Variants in APPBP2 observed in about 807,000 individuals in gnomAD.
The protein encoded by APPBP2 is amyloid protein-binding protein 2.
APPBP2 carries 15 observed loss-of-function variants against 76.0 expected under a neutral mutation model. That is an observed-to-expected ratio of 0.20 (90% CI 0.13 to 0.30). APPBP2 has a LOEUF of 0.30. Ranked by LOEUF, APPBP2 falls within the 10% of genes least tolerant of loss-of-function variation. The pLI is 1.00. For synonymous variants in APPBP2, 222 were observed against 242.2 expected (o/e 0.92, Z 0.77); for missense variants, 401 against 687.2 (o/e 0.58, Z 4.66).
chr17:60,497,144 T>C (rs1567935332), intron 2 of APPBP2, among the ~76,000 whole-genome samples: 1 of 152,228 alleles, frequency 6.6e-6, no homozygotes, highest in Non-Finnish European at 1.5e-5. Flanking sequence ...AAATGTGCTA[T>C]ATATACACAA....
At chr17:60,476,501 G>A (rs2090591969) in intron 4 of APPBP2, among the ~76,000 whole-genome samples, 1 of 151,838 alleles carries the variant, frequency 6.6e-6, no homozygotes, top group South Asian at 2.1e-4. Flanking sequence ...ATACTAAGTA[G>A]ATGAAAAAAA....
intron 2 of APPBP2, among the ~76,000 whole-genome samples, chr17:60,498,447 T>C (rs2090794466): frequency 1.3e-5 from 2 of 152,140 alleles, no homozygotes; most frequent in Non-Finnish European, 1.5e-5. Flanking sequence ...CTAATAGATA[T>C]GCATACATAT....
intron 12 of APPBP2, among the ~76,000 whole-genome samples, chr17:60,448,903 C>T (rs1467370550): frequency 2.6e-5 from 4 of 152,002 alleles, no homozygotes; most frequent in Non-Finnish European, 5.9e-5. Flanking sequence ...CTGTATAGTT[C>T]TAATTACAGT....
intron 5 of APPBP2, 108 bp from the exon 6 acceptor site, chr17:60,464,218 A>C: frequency 1.4e-6 from 1 of 722,298 alleles, no homozygotes; most frequent in South Asian, 1.7e-5. Flanking sequence ...AAGAACACAC[A>C]CAAAATATTT....
intron 1 of APPBP2, among the ~76,000 whole-genome samples, chr17:60,517,141 A>G (rs1232721337): frequency 6.6e-6 from 1 of 152,024 alleles, no homozygotes; most frequent in Non-Finnish European, 1.5e-5. Flanking sequence ...ATGCCTGGCT[A>G]ATTTTTTTTA....
At chr17:60,483,937 T>C (rs1458677524) in intron 3 of APPBP2, among the ~76,000 whole-genome samples, 13 of 151,934 alleles carry the variant, frequency 8.6e-5, no homozygotes, top group Admixed American at 7.9e-4. Context: ...CAGTTTCAGC[T>C]TTCTACCTAC....
chr17:60,466,567 A>C, intron 4 of APPBP2, 108 bp from the exon 5 acceptor site: 1 of 1,107,236 alleles, frequency 9.0e-7, no homozygotes, highest in Non-Finnish European at 1.3e-6. Context: ...ATACAATTAC[A>C]AGGCAGCATT....
At chr17:60,470,147 C>T (rs1446006589) in intron 4 of APPBP2, among the ~76,000 whole-genome samples, 1 of 152,020 alleles carries the variant, frequency 6.6e-6, no homozygotes, top group Non-Finnish European at 1.5e-5. Context: ...TGTTTGATTT[C>T]CATTTCCCTA....
chr17:60,480,840 T>C (rs1332199621), intron 3 of APPBP2, among the ~76,000 whole-genome samples: 4 of 152,280 alleles, frequency 2.6e-5, no homozygotes, highest in Non-Finnish European at 1.5e-5. Context: ...ACTGGAGAAA[T>C]GGGCTGCATG....
intron 3 of APPBP2, among the ~76,000 whole-genome samples, chr17:60,491,970 G>A (rs895957114): frequency 7.9e-5 from 12 of 152,148 alleles, no homozygotes; most frequent in African/African-American, 1.9e-4. Flanking sequence ...CAGGCCCAGA[G>A]GCCTAGGAGG....
chr17:60,505,676 GTTTTTTTTTTTT>G (rs1170935393), intron 1 of APPBP2, among the ~76,000 whole-genome samples: 5 of 85,716 alleles, frequency 5.8e-5, no homozygotes, highest in Admixed American at 1.2e-4. Flanking sequence ...GACCCCTGCG[GTTTTTTTTTTTT>G]TTTTTTTTTT....
At chr17:60,479,055 A>G in intron 4 of APPBP2, 93 bp downstream of exon 4, 2 of 1,217,842 alleles carry the variant, frequency 1.6e-6, no homozygotes, top group Non-Finnish European at 2.3e-6. Context: ...TCAGAGATTT[A>G]CTCAAATGTT....
chr17:60,454,796 A>G (rs534194389), intron 10 of APPBP2, among the ~76,000 whole-genome samples: 1 of 152,364 alleles, frequency 6.6e-6, no homozygotes, highest in East Asian at 1.9e-4. Context: ...TGTTTTTCAA[A>G]TTAAACGGAA....
chr17:60,465,593 G>T (rs1345416349), intron 5 of APPBP2, among the ~76,000 whole-genome samples: 2 of 152,096 alleles, frequency 1.3e-5, no homozygotes, highest in Non-Finnish European at 2.9e-5. Flanking sequence ...GTCAGGCTGG[G>T]CATGGTGGCT....
chr17:60,522,359 G>C (rs558354341), intron 1 of APPBP2, among the ~76,000 whole-genome samples: 1 of 152,050 alleles, frequency 6.6e-6, no homozygotes, highest in Non-Finnish European at 1.5e-5. Flanking sequence ...ATCTCCCTCT[G>C]TTGCCCAGGC....
chr17:60,456,439 T>C (rs2090432310), intron 9 of APPBP2, 58 bp from the exon 10 acceptor site: 3 of 1,131,838 alleles, frequency 2.7e-6, no homozygotes, highest in Non-Finnish European at 4.0e-6. Flanking sequence ...GATTTAGGAA[T>C]TTTAAAAATC....
chr17:60,482,879 C>T (rs113795197), intron 3 of APPBP2, among the ~76,000 whole-genome samples: 1,533 of 152,080 alleles, frequency 0.01, 20 homozygotes, highest in East Asian at 0.048. Flanking sequence ...TGTGAAGTGC[C>T]GTAATAAACA....
chr17:60,502,778 G>C (rs541105705), intron 1 of APPBP2, among the ~76,000 whole-genome samples: 1 of 146,044 alleles, frequency 6.8e-6, no homozygotes, highest in Non-Finnish European at 1.5e-5. Flanking sequence ...GCTTGAACTC[G>C]TAAGACAGGT....
intron 1 of APPBP2, among the ~76,000 whole-genome samples, chr17:60,510,905 G>A (rs558035595): frequency 6.6e-6 from 1 of 152,222 alleles, no homozygotes; most frequent in African/African-American, 2.4e-5. Context: ...GTCCATTTAT[G>A]ATGATGATGT....
Sources: gnomAD v4.1 joint callset for allele counts (sites outside exome capture counted in the v4.1 genomes callset) on GRCh38, gnomAD v4.1.1 for gene constraint, MANE v1.5 for transcripts, NCBI Gene and HGNC (gene_info 2026-07-23, HGNC 2026-07-21) for gene names.